FGF12: variants seen among roughly 807,000 people sequenced by gnomAD.
FGF12 encodes fibroblast growth factor 12B.
In FGF12, 14 loss-of-function variants were observed where a neutral mutation model predicts 23.6. The observed-to-expected ratio is 0.59, with a 90% CI of 0.39 to 0.93. The LOEUF (loss-of-function observed/expected upper bound fraction) is 0.93, where lower values mean the gene tolerates loss of function less well. FGF12 is among the 40% of genes least tolerant of loss of function. The probability of loss-of-function intolerance (pLI) is 0.00; values close to 1 mark genes in which losing one functional copy is unlikely to be tolerated. For synonymous variants in FGF12, 62 were observed against 77.3 expected (o/e 0.80, Z 1.04); for missense variants, 175 against 217.8 (o/e 0.80, Z 1.24).
At position 192,498,002 on chromosome 3, in the gene FGF12, A is replaced by G. The variant is rs1219378431; in HGVS notation, c.14-137464T>C. Among the ~76,000 whole-genome samples the G allele has an allele frequency of 7.2e-5, 3 of 41,836 alleles. No individual in the cohort carries two copies. In the East Asian group the frequency reaches 3.3e-3, roughly 47 times the overall value. 27.4% of individuals were successfully genotyped at this position (41,836 alleles called of 152,430 possible). A position where few individuals can be genotyped will look rare whatever the true frequency, so the allele number is the denominator to read the frequency against. ...CAATAAATGAATGAAGGAATAAATG[A>G]AAGAGCAAATTCATCAGCCTGAAGC... On this transcript the variant is annotated intron_variant, in intron 2 of 5. Transcript: ENST00000445105.
chr3:192,600,458 A>C (rs562261958), intron 2 of FGF12, among the ~76,000 whole-genome samples: 10 of 152,132 alleles, frequency 6.6e-5, no homozygotes, highest in Non-Finnish European at 1.3e-4. Context: ...GATTTCACTG[A>C]ATCTGTAGAT....
At chr3:192,385,770 C>T (rs760586060) in intron 2 of FGF12, among the ~76,000 whole-genome samples, 8 of 152,192 alleles carry the variant, frequency 5.3e-5, no homozygotes, top group Non-Finnish European at 1.2e-4. Flanking sequence ...CCAAGGAAGA[C>T]GAGCACACAG....
intron 2 of FGF12, among the ~76,000 whole-genome samples, chr3:192,369,391 G>C (rs967916901): frequency 6.6e-6 from 1 of 152,186 alleles, no homozygotes; most frequent in African/African-American, 2.4e-5. Context: ...AAACTGCACA[G>C]TCTCCAAAGC....
intron 2 of FGF12, among the ~76,000 whole-genome samples, chr3:192,451,259 C>G (rs1236300200): frequency 6.6e-6 from 1 of 152,174 alleles, no homozygotes; most frequent in Non-Finnish European, 1.5e-5. Context: ...AAAGAATGAT[C>G]AGGAGTAGAA....
intron 2 of FGF12, among the ~76,000 whole-genome samples, chr3:192,381,946 G>T (rs1576931541): frequency 6.6e-6 from 1 of 152,018 alleles, no homozygotes; most frequent in East Asian, 1.9e-4. Context: ...AATGGAAAAA[G>T]TCAGACACAT....
At chr3:192,438,771 A>T (rs1284545106) in intron 2 of FGF12, among the ~76,000 whole-genome samples, 1 of 152,210 alleles carries the variant, frequency 6.6e-6, no homozygotes, top group Non-Finnish European at 1.5e-5. Flanking sequence ...TGGTGTGACC[A>T]AGAAAGTCAG....
At chr3:192,464,831 G>A (rs1255952958) in intron 2 of FGF12, among the ~76,000 whole-genome samples, 1 of 152,064 alleles carries the variant, frequency 6.6e-6, no homozygotes. Context: ...TGGCAATAGA[G>A]ACAGTAGGTG....
At chr3:192,196,934 A>T (rs1364210321) in intron 4 of FGF12, among the ~76,000 whole-genome samples, 1 of 152,208 alleles carries the variant, frequency 6.6e-6, no homozygotes, top group Non-Finnish European at 1.5e-5. Context: ...ACAGAAAACC[A>T]GTATCTACTT....
chr3:192,608,062 T>C (rs187593905), intron 2 of FGF12, among the ~76,000 whole-genome samples: 3 of 152,104 alleles, frequency 2.0e-5, no homozygotes, highest in Non-Finnish European at 2.9e-5. Flanking sequence ...AAACTTCGCA[T>C]GCTCTCGCTT....
intron 2 of FGF12, among the ~76,000 whole-genome samples, chr3:192,522,111 T>A (rs1396422640): frequency 6.7e-6 from 1 of 149,440 alleles, no homozygotes; most frequent in African/African-American, 2.5e-5. Context: ...GGCAGGAGAA[T>A]GGCGTGAACC....
intron 4 of FGF12, among the ~76,000 whole-genome samples, chr3:192,253,195 T>A (rs149311962): frequency 3.9e-5 from 6 of 152,254 alleles, no homozygotes; most frequent in African/African-American, 1.4e-4. Flanking sequence ...ATTGCATACT[T>A]TACAAAAGTG....
Position 192,167,757 on chromosome 3 carries a change from ATATATATATATAAAATTTTT to A in FGF12, c.427+2681_427+2700del, listed in dbSNP as rs1397333929. ...TATATATATATATATATATATATATATATATATATATAAAATTTTTTTTTTTTTTTTTTTTTGAGAAAGAA... is the reference window on the plus strand; with the variant it reads ...TATATATATATATATATATATATATATTTTTTTTTTTTTTTTGAGAAAGAA... On this transcript the variant is annotated intron_variant, in intron 5 of 5. Transcript: ENST00000445105. 7.6e-3 allele frequency among the ~76,000 whole-genome samples: 232 copies of A among 30,578 alleles called. 13 individuals are homozygous for A. Among genetic ancestry groups the A allele is most frequent in the African/African-American group, 0.033 (227 of 6,870 alleles). 20.1% of individuals were successfully genotyped at this position (30,578 alleles called of 152,430 possible).
At chr3:192,174,351 G>T (rs1353688481) in intron 4 of FGF12, among the ~76,000 whole-genome samples, 1 of 152,158 alleles carries the variant, frequency 6.6e-6, no homozygotes, top group Non-Finnish European at 1.5e-5. Flanking sequence ...ATTGACAAAT[G>T]GGGGATTTCT....
intron 4 of FGF12, among the ~76,000 whole-genome samples, chr3:192,320,249 A>T (rs1716464597): frequency 6.6e-6 from 1 of 152,196 alleles, no homozygotes; most frequent in African/African-American, 2.4e-5. Flanking sequence ...GAGACAAAAA[A>T]ATCATATAAT....
At chr3:192,326,495 T>A (rs1328830563) in intron 4 of FGF12, among the ~76,000 whole-genome samples, 1 of 152,158 alleles carries the variant, frequency 6.6e-6, no homozygotes, top group Admixed American at 6.6e-5. Flanking sequence ...TCTCAATAAC[T>A]CCTGACACAG....
rs181169412 is a variant in FGF12, at chr3:192,535,558, T to C, written c.14-175020A>G. 3.7e-3 allele frequency among the ~76,000 whole-genome samples: 556 copies of C among 152,294 alleles called. 3 individuals carry two copies. Among genetic ancestry groups the C allele is most frequent in the Non-Finnish European group, 5.4e-3 (370 of 68,012 alleles). ...AAAACCAAAAACCATGGTAGGAGGC[T>C]GCAGTCTGAGGTATAGAAATGGCCA... On this transcript the variant is annotated intron_variant, in intron 2 of 5. Transcript: ENST00000445105.
chr3:192,438,842 GC>G (rs1250286392), intron 2 of FGF12, among the ~76,000 whole-genome samples: 2 of 152,144 alleles, frequency 1.3e-5, no homozygotes, highest in Non-Finnish European at 2.9e-5. Context: ...GCTTTACAAA[GC>G]CCCCCGGTTT....
chr3:192,176,336 T>C (rs1274678005), intron 4 of FGF12, among the ~76,000 whole-genome samples: 1 of 152,220 alleles, frequency 6.6e-6, no homozygotes, highest in Non-Finnish European at 1.5e-5. Context: ...GATATTTCTT[T>C]TAGTATTTAA....
intron 2 of FGF12, among the ~76,000 whole-genome samples, chr3:192,592,429 TG>T (rs1369042626): frequency 6.6e-6 from 1 of 151,888 alleles, no homozygotes; most frequent in African/African-American, 2.4e-5. Flanking sequence ...ATTTGCAAAC[TG>T]TGTCCTCCTG....
Sources: gnomAD v4.1 joint callset for allele counts (sites outside exome capture counted in the v4.1 genomes callset) on GRCh38, gnomAD v4.1.1 for gene constraint, MANE v1.5 for transcripts, NCBI Gene and HGNC (gene_info 2026-07-23, HGNC 2026-07-21) for gene names.